The following NMT2 variants were observed in gnomAD, a reference collection of about 807,000 sequenced individuals.
NMT2 encodes glycylpeptide N-tetradecanoyltransferase 2.
Under a neutral mutation model 65.4 loss-of-function variants are expected in NMT2, and 35 were observed. The observed-to-expected ratio is 0.54, with a 90% CI of 0.41 to 0.71. NMT2 has a LOEUF of 0.71. Ranked by LOEUF, NMT2 falls within the 30% of genes least tolerant of loss-of-function variation. The pLI, the probability that NMT2 is intolerant of heterozygous loss-of-function variation, is 0.00. For synonymous variants in NMT2, 226 were observed against 231.8 expected, an observed-to-expected ratio of 0.98 and a Z score of 0.23; for missense variants, 489 against 611.3, an observed-to-expected ratio of 0.80 and a Z score of 2.11.
chr10:15,159,292 T>C (rs1431916121), intron 1 of NMT2, among the ~76,000 whole-genome samples: 5 of 152,198 alleles, frequency 3.3e-5, no homozygotes, highest in African/African-American at 7.2e-5. Flanking sequence ...GAAAGACAGA[T>C]GGACCTTGGG....
chr10:15,142,348 A>G (rs1846804564), intron 1 of NMT2, among the ~76,000 whole-genome samples: 1 of 152,196 alleles, frequency 6.6e-6, no homozygotes, highest in South Asian at 2.1e-4. Context: ...GCTTGAGCCC[A>G]GGAGTTCAAG....
intron 1 of NMT2, among the ~76,000 whole-genome samples, chr10:15,148,047 T>C (rs563761559): frequency 6.6e-6 from 1 of 152,342 alleles, no homozygotes; most frequent in Non-Finnish European, 1.5e-5. Context: ...TCTAGGATGG[T>C]ATAGAAAGAC....
intron 1 of NMT2, among the ~76,000 whole-genome samples, chr10:15,163,838 T>C (rs1428677054): frequency 6.6e-6 from 1 of 152,208 alleles, no homozygotes; most frequent in Non-Finnish European, 1.5e-5. Context: ...AAAGTTTTCA[T>C]CTTTGTCCAA....
At chr10:15,128,508 G>A in intron 7 of NMT2, 50 bp from the exon 8 acceptor site, 2 of 1,156,864 alleles carry the variant, frequency 1.7e-6, no homozygotes, top group Non-Finnish European at 2.6e-6. Context: ...AACTCTACAA[G>A]TTTTCACTCT....
chr10:15,138,347 C>T (rs2131565764), intron 2 of NMT2: 1 of 470,884 alleles, frequency 2.1e-6, no homozygotes, highest in Non-Finnish European at 4.4e-6. Flanking sequence ...TTCAAATAAA[C>T]ACAATTTCCA....
chr10:15,150,372 T>G (rs1832760037), intron 1 of NMT2, among the ~76,000 whole-genome samples: 2 of 152,188 alleles, frequency 1.3e-5, no homozygotes, highest in Admixed American at 1.3e-4. Flanking sequence ...AGTGGTTCAT[T>G]TGTGTAATTC....
chr10:15,115,987 G>C (rs558354743), intron 9 of NMT2, among the ~76,000 whole-genome samples: 1 of 152,292 alleles, frequency 6.6e-6, no homozygotes, highest in South Asian at 2.1e-4. Flanking sequence ...AATTACAGCT[G>C]GGGACTTCCA....
chr10:15,133,977 C>T (rs1229431079), intron 3 of NMT2, among the ~76,000 whole-genome samples: 1 of 152,166 alleles, frequency 6.6e-6, no homozygotes, highest in Non-Finnish European at 1.5e-5. Context: ...AGTCTCAAGG[C>T]CTACAATGCA....
intron 1 of NMT2, among the ~76,000 whole-genome samples, chr10:15,147,975 C>T (rs1358036624): frequency 1.3e-5 from 2 of 152,146 alleles, no homozygotes; most frequent in Non-Finnish European, 2.9e-5. Context: ...ATTTATAACA[C>T]AAATGAGAAA....
chr10:15,139,521 T>C (rs1283856013), intron 2 of NMT2, among the ~76,000 whole-genome samples: 1 of 152,054 alleles, frequency 6.6e-6, no homozygotes, highest in Admixed American at 6.6e-5. Flanking sequence ...GGATGCCACG[T>C]TTATCTGATG....
intron 8 of NMT2, among the ~76,000 whole-genome samples, chr10:15,128,011 T>C (rs1305926272): frequency 1.3e-5 from 2 of 152,226 alleles, no homozygotes. Flanking sequence ...ACTTGATTCC[T>C]GAGTTCCAAC....
At chr10:15,127,592 AAAT>A (rs1846138335) in intron 8 of NMT2, among the ~76,000 whole-genome samples, 1 of 141,816 alleles carries the variant, frequency 7.1e-6, no homozygotes, top group Non-Finnish European at 1.5e-5. Flanking sequence ...ATAAATAAAT[AAAT>A]AAAATAAAAT....
chr10:15,144,146 C>T (rs930996879), intron 1 of NMT2, among the ~76,000 whole-genome samples: 5 of 152,110 alleles, frequency 3.3e-5, no homozygotes, highest in South Asian at 2.1e-4. Flanking sequence ...ATGGAGAAAG[C>T]GTCACCATTT....
chr10:15,163,708 TCAA>T (rs1206281383), intron 1 of NMT2, among the ~76,000 whole-genome samples: 4 of 152,188 alleles, frequency 2.6e-5, no homozygotes, highest in African/African-American at 7.2e-5. Flanking sequence ...CAACTCAATT[TCAA>T]CAACAGACAT....
At chr10:15,136,827 CT>C (rs113306321) in intron 2 of NMT2, among the ~76,000 whole-genome samples, 43,786 of 142,366 alleles carry the variant, frequency 0.31, 7,646 homozygotes, top group African/African-American at 0.53. Context: ...TTCCCCAGTT[CT>C]TTTTTTTTTT....
At position 15,105,980 on chromosome 10, in the gene NMT2, A is replaced by C. The variant is rs930920723; in HGVS notation, c.*3215T>G. ...AGGTAAGCTCATGACAAAGTTTCCAACTGGCAATGCTGCAGTTATTTATTT... is the reference window on the plus strand; with the variant it reads ...AGGTAAGCTCATGACAAAGTTTCCACCTGGCAATGCTGCAGTTATTTATTT... On this transcript the variant is annotated 3_prime_UTR_variant, in exon 12 of 12. Coordinates refer to ENST00000378165, the MANE Select transcript of NMT2 (RefSeq NM_004808.3). 1 of 404,928 alleles carries C rather than the reference A, an allele frequency of 2.5e-6. No homozygotes were observed. Among genetic ancestry groups the C allele is most frequent in the Non-Finnish European group, 4.8e-6 (1 of 206,444 alleles). The allele number at this position is 404,928 out of a possible 1,614,324, so 25.1% of individuals were successfully genotyped here.
At chr10:15,135,510 A>G in intron 2 of NMT2, 92 bp from the exon 3 acceptor site, 1 of 1,274,660 alleles carries the variant, frequency 7.8e-7, no homozygotes, top group South Asian at 1.3e-5. Context: ...AGAGACTACA[A>G]TACCTAAACA....
intron 10 of NMT2, among the ~76,000 whole-genome samples, chr10:15,112,462 C>T (rs1184243244): frequency 6.6e-6 from 1 of 151,194 alleles, no homozygotes; most frequent in Non-Finnish European, 1.5e-5. Context: ...CTCCTAACCT[C>T]AGGTGATCCA....
intron 8 of NMT2, among the ~76,000 whole-genome samples, chr10:15,127,981 T>A (rs1053728649): frequency 6.6e-6 from 1 of 152,150 alleles, no homozygotes; most frequent in African/African-American, 2.4e-5. Flanking sequence ...TTATTTCCAC[T>A]CGCTGGGTCT....
Sources: gnomAD v4.1 joint callset for allele counts (sites outside exome capture counted in the v4.1 genomes callset) on GRCh38, gnomAD v4.1.1 for gene constraint, MANE v1.5 for transcripts, NCBI Gene and HGNC (gene_info 2026-07-23, HGNC 2026-07-21) for gene names.